RYR1: variants seen among roughly 807,000 people sequenced by gnomAD.
RYR1 encodes the protein central core disease of muscle.
A neutral mutation model predicts 583.5 loss-of-function variants in RYR1; 342 were observed. The observed-to-expected ratio is 0.59, with a 90% confidence interval of 0.54 to 0.64. The LOEUF (loss-of-function observed/expected upper bound fraction) is 0.64, where lower values mean the gene tolerates loss of function less well. RYR1 is among the 30% of genes least tolerant of loss of function. The pLI, the probability that RYR1 is intolerant of heterozygous loss-of-function variation, is 0.00. For synonymous variants in RYR1, 2,791 were observed against 2,822.5 expected (o/e 0.99, Z 0.35); for missense variants, 6,032 against 6,917.2 (o/e 0.87, Z 4.54).
chr19:38,490,538 A>T lies in RYR1; in HGVS notation c.6016-83A>T. The T allele has an allele frequency of 5.3e-6, 5 of 943,626 alleles. No individual in the cohort carries two copies. The South Asian group carries it at 6.7e-5, about 13-fold the overall frequency. 58.5% of individuals were successfully genotyped at this position (943,626 alleles called of 1,614,324 possible). On this transcript the variant is annotated intron_variant, in intron 36 of 105. Transcript: ENST00000359596. ...CGACTCATGACCTTAGACATGGACT[A>T]ACAATTGCATCTTCTATCTCTGATC...
Position 38,460,459 on chromosome 19 carries a change from C to G in RYR1, c.2445C>G (p.Leu815=). 6.2e-7 allele frequency: 1 copy of G among 1,614,228 alleles called. No homozygotes were observed. Among genetic ancestry groups the G allele is most frequent in the Non-Finnish European group, 8.5e-7 (1 of 1,180,052 alleles). The change falls in exon 20 of 106, where the codon CTC becomes CTG. Residue 815 remains leucine (L), a synonymous_variant. Transcript: ENST00000359596. ...ATGCTCCATGCCATGAGGCTGTGCT[C>G]CCTCGAGAGCGACTCCATCTTGAAC... is the stretch of plus-strand genomic sequence containing the variant. The part of the protein sequence containing the change: ...PGYAPCHEAV[L]PRERLHLEPI...
chr19:38,502,466 G>C, intron 47 of RYR1, 41 bp from the exon 48 acceptor site: 1 of 1,562,650 alleles, frequency 6.4e-7, no homozygotes, highest in East Asian at 2.3e-5. Flanking sequence ...AGCAGCCCCA[G>C]GGGTGTGCAG....
intron 34 of RYR1, among the ~76,000 whole-genome samples, chr19:38,488,793 C>T (rs1413127464): frequency 2.6e-5 from 4 of 152,168 alleles, no homozygotes; most frequent in Non-Finnish European, 4.4e-5. Context: ...GTGTGAGCCT[C>T]GCCTCATGTG....
In RYR1 at chr19:38,464,737, C is replaced by T; in HGVS notation, c.2870+15C>T. On this transcript the variant is annotated intron_variant, in intron 23 of 105. Transcript: ENST00000359596. ...CTCCCCAAGACGTGAGTGTGGGCAG[C>T]CAGGTCCCGTCTGGGGATGGACTGG... 1 of 1,565,134 alleles carries T rather than the reference C, an allele frequency of 6.4e-7. No homozygotes were observed. Among genetic ancestry groups the T allele is most frequent in the African/African-American group, 1.4e-5 (1 of 74,004 alleles).
At chr19:38,567,711 T>G in intron 92 of RYR1, 62 bp from the exon 93 acceptor site, 1 of 1,613,684 alleles carries the variant, frequency 6.2e-7, no homozygotes, top group South Asian at 1.1e-5. Context: ...TGGTTTTGAA[T>G]GAATGAACTC....
rs200085496 is a variant in RYR1, at chr19:38,444,565, G to A, written c.538-19G>A. 5.0e-6 allele frequency: 8 copies of A among 1,608,244 alleles called. No homozygotes were observed. Among genetic ancestry groups the A allele is most frequent in the Admixed American group, 3.4e-5 (2 of 59,652 alleles). On this transcript the variant is annotated intron_variant, in intron 6 of 105. Transcript: ENST00000359596. The surrounding 1 kb of genome is among the most constrained non-coding windows in gnomAD (Gnocchi z 5.1). ...ACCCCTGCAATCGTCTCTGACTGCCGCATCCTGGTGGCCCCCAGCACCTGT... is the reference window on the plus strand; with the variant it reads ...ACCCCTGCAATCGTCTCTGACTGCCACATCCTGGTGGCCCCCAGCACCTGT...
rs140114702 is a variant in RYR1 at position 38,580,713 on chromosome 19, C to T, written c.14646+209C>T. On this transcript the variant is annotated intron_variant, in intron 101 of 105. Coordinates refer to ENST00000359596, the MANE Select transcript of RYR1 (RefSeq NM_000540.3). ...CTGTCTCTATAAAAAAAAATTTAAA[C>T]GTTAGCTGGGTGTTGTGTTGTGTGC... Among the ~76,000 whole-genome samples, 16 of 152,078 alleles carry T rather than the reference C, an allele frequency of 1.1e-4. 1 individual carries two copies. Among genetic ancestry groups the T allele is most frequent in the Admixed American group, 2.6e-4 (4 of 15,240 alleles).
In RYR1 at chr19:38,459,253, A is replaced by G. The variant is rs147320363; in HGVS notation, c.2275A>G (p.Asn759Asp). ...CGTGCCGTCCATCTCCTTCCGCATC[A>G]ACGGCTGCCCCGTGCAGGGTGTCTT... is the stretch of plus-strand genomic sequence containing the variant. ...LSVPSISFRI[N>D]GCPVQGVFES... Residue 759 changes from asparagine to aspartate, a missense_variant, in exon 19 of 106, where the codon AAC becomes GAC. Coordinates refer to ENST00000359596, the MANE Select transcript of RYR1 (RefSeq NM_000540.3). The G allele has an allele frequency of 3.0e-4, 486 of 1,614,048 alleles. No individual in the cohort carries two copies. The highest frequency in any genetic ancestry group is 4.0e-4 in the Non-Finnish European group (467 of 1,179,984).
chr19:38,447,712 C>T (rs1044025004), intron 9 of RYR1, among the ~76,000 whole-genome samples: 2 of 150,996 alleles, frequency 1.3e-5, no homozygotes, highest in African/African-American at 2.4e-5. Context: ...GGTAGTGGCA[C>T]GCACCTGTAA....
At chr19:38,474,737 G>A (rs982988362) in intron 28 of RYR1, among the ~76,000 whole-genome samples, 4 of 151,182 alleles carry the variant, frequency 2.6e-5, no homozygotes, top group African/African-American at 9.7e-5. Flanking sequence ...ACCACACCCG[G>A]CTAATTTTTG....
rs1366062901 is a variant in RYR1, at chr19:38,565,797, GT to G, written c.13437+30del. 7.3e-7 allele frequency: 1 copy of G among 1,377,666 alleles called. No individual in the cohort carries two copies. Among genetic ancestry groups the G allele is most frequent in the Admixed American group, 3.7e-5 (1 of 27,374 alleles). The allele number at this position is 1,377,666 out of a possible 1,614,324, so 85.3% of individuals were successfully genotyped here. ...GTGAGAGAGCAGGCGGGGTTTTGGG[GT>G]TTTGGAAAGATGGGGGATTGGAGGG... On this transcript the variant is annotated intron_variant, in intron 91 of 105. Transcript: ENST00000359596. This position sits in a 1 kb window ranked among gnomAD's most constrained non-coding sequence, Gnocchi z 4.7.
rs1405676727 is a variant in RYR1 at position 38,458,291 on chromosome 19, A to G, written c.2166A>G (p.Thr722=). 3.1e-6 allele frequency: 5 copies of G among 1,613,742 alleles called. No individual in the cohort carries two copies. The highest frequency in any genetic ancestry group is 1.7e-5 in the Admixed American group (1 of 60,026). ...GCTTTGATGGACTGCATCTCTGGACAGGTACCTGACCCCTTCCAGGGGACC... is the reference window on the plus strand; with the variant it reads ...GCTTTGATGGACTGCATCTCTGGACGGGTACCTGACCCCTTCCAGGGGACC... ...SYGFDGLHLW[T]GHVARPVTSP... is the part of the protein sequence containing the mutation. The change falls in exon 18 of 106, where the codon ACA becomes ACG. Residue 722 remains threonine (T), a splice_region_variant and synonymous_variant. Coordinates refer to ENST00000359596, the MANE Select transcript of RYR1 (RefSeq NM_000540.3).
At chr19:38,568,536 G>C (rs1445119771) in intron 93 of RYR1, among the ~76,000 whole-genome samples, 2 of 137,242 alleles carry the variant, frequency 1.5e-5, no homozygotes, top group Non-Finnish European at 3.0e-5. Context: ...AGGAGTTCAA[G>C]ACCAGACTGG....
In RYR1 at chr19:38,446,477, G is replaced by A. The variant is rs745608515; in HGVS notation, c.637G>A (p.Val213Met). 1.2e-6 allele frequency: 2 copies of A among 1,613,828 alleles called. No homozygotes were observed. Among genetic ancestry groups the A allele is most frequent in the East Asian group, 2.2e-5 (1 of 44,890 alleles). ...CTTCCCTTGCTCCTCTCCAGGCTTC[G>A]TGACGGGAGGTCACGTCCTCCGCCT... ...PICSRCEEGF[V>M]TGGHVLRLFH... The change falls in exon 8 of 106, where the codon GTG becomes ATG. Residue 213 changes from valine to methionine, a missense_variant. This residue lies in a region of RYR1 where 338 missense variants were observed against 441.6 expected (regional missense o/e 0.77). Transcript: ENST00000359596.
In RYR1 at chr19:38,570,699, G is replaced by A; in HGVS notation, c.13746+6G>A. On this transcript the variant is annotated splice_donor_region_variant and intron_variant, in intron 94 of 105. Coordinates refer to ENST00000359596, the MANE Select transcript of RYR1 (RefSeq NM_000540.3). ...TCATCTTGCTGTTTTATAAGGTGCT[G>A]GTCCTGAAGGGCTGGGAGGGTCAGG... 1 of 1,611,232 alleles carries A rather than the reference G, an allele frequency of 6.2e-7. No individual in the cohort carries two copies. Among genetic ancestry groups the A allele is most frequent in the South Asian group, 1.1e-5 (1 of 91,004 alleles).
chr19:38,565,175 G>T lies in RYR1; in HGVS notation c.12841G>T (p.Gly4281Trp). Residue 4281 changes from glycine to tryptophan, a missense_variant, in exon 91 of 106, where the codon GGG becomes TGG. Gly to Trp is a radical substitution (Grantham distance 184, BLOSUM62 -2). Transcript: ENST00000359596. The surrounding 1 kb of genome is among the most constrained non-coding windows in gnomAD (Gnocchi z 4.7). ...GGAAGGCGCGGAGGAGGGCGCGGCG[G>T]GGCTCGAGGGCACGGCGGCCACGGC... ...GAEGAEEGAA[G>W]LEGTAATAAA... is the part of the protein sequence containing the mutation. 2 of 1,196,474 alleles carry T rather than the reference G, an allele frequency of 1.7e-6. No individual in the cohort carries two copies. The highest frequency in any genetic ancestry group is 7.6e-5 in the East Asian group (2 of 26,324). The allele number at this position is 1,196,474 out of a possible 1,614,324, so 74.1% of individuals were successfully genotyped here.
chr19:38,468,682 C>A lies in RYR1; in HGVS notation c.3382-284C>A, dbSNP rs143955076. 2.8e-4 allele frequency among the ~76,000 whole-genome samples: 43 copies of A among 152,338 alleles called. No homozygotes were observed. In the East Asian group the frequency reaches 3.9e-3, roughly 14 times the overall value. On this transcript the variant is annotated intron_variant, in intron 25 of 105. Transcript: ENST00000359596. ...CTACTTACTGCTGCTTCCAGCCCCC[C>A]ACTACCACTTTGGTGGTCTGCATAA...
At chr19:38,520,693 C>CA (rs71165555) in intron 67 of RYR1, among the ~76,000 whole-genome samples, 2,740 of 46,666 alleles carry the variant, frequency 0.059, 192 homozygotes, top group East Asian at 0.12. Flanking sequence ...GGCTCCACCT[C>CA]AAAAAAAAAA....
chr19:38,528,196 TGA>T lies in RYR1; in HGVS notation c.10825-108_10825-107del, dbSNP rs745380645. 6 of 887,756 alleles carry T rather than the reference TGA, an allele frequency of 6.8e-6. No homozygotes were observed. In the South Asian group the frequency reaches 6.9e-5, roughly 10 times the overall value. The allele number at this position is 887,756 out of a possible 1,614,324, so 55.0% of individuals were successfully genotyped here. A position where few individuals can be genotyped will look rare whatever the true frequency, so the allele number is the denominator to read the frequency against. ...GAGACAAGGTTTTCCTTCTGCCGTG[TGA>T]GTCTTAACCTGAATATGGACTTCGA... On this transcript the variant is annotated intron_variant, in intron 73 of 105. Transcript: ENST00000359596.
Sources: allele counts gnomAD v4.1 joint callset (sites outside exome capture counted in the v4.1 genomes callset), GRCh38; gene constraint gnomAD v4.1.1; regional missense constraint gnomAD v4.1.1; non-coding constraint Gnocchi (gnomAD v3.1); transcripts MANE v1.5; gene names NCBI Gene and HGNC (gene_info 2026-07-23, HGNC 2026-07-21).